LPP: variants seen among roughly 807,000 people sequenced by gnomAD.
LPP encodes lipoma-preferred partner.
Under a neutral mutation model 60.4 loss-of-function variants are expected in LPP, and 38 were observed. The observed-to-expected ratio is 0.63, with a 90% confidence interval of 0.49 to 0.83. The LOEUF (loss-of-function observed/expected upper bound fraction) is 0.83. Among genes scored for constraint, LPP ranks in the 40% least tolerant of loss-of-function variants. LPP has a pLI of 0.00. For synonymous variants in LPP, 328 were observed against 290.8 expected, an observed-to-expected ratio of 1.13 and a Z score of -1.30; for missense variants, 902 against 783.6, an observed-to-expected ratio of 1.15 and a Z score of -1.80.
Position 188,872,693 on chromosome 3 carries a change from C to G in LPP, c.1640C>G (p.Pro547Arg), listed in dbSNP as rs762770149. ...SVCKEPIMPAPGQEETVRIVA... is the reference protein window; with the variant it reads ...SVCKEPIMPARGQEETVRIVA... ...TGCAAGGAGCCTATTATGCCAGCCC[C>G]GGGCCAGGAGGAGACTGTCCGTATT... Residue 547 changes from proline (P) to arginine (R), a missense_variant, in exon 11 of 12, where the codon CCG (proline) becomes CGG (arginine). Transcript: ENST00000617246. 6.2e-7 allele frequency: 1 copy of G among 1,614,148 alleles called. No individual in the cohort carries two copies. Among genetic ancestry groups the G allele is most frequent in the Non-Finnish European group, 8.5e-7 (1 of 1,180,024 alleles).
At chr3:188,421,787 C>A (rs1343397901) in intron 4 of LPP, among the ~76,000 whole-genome samples, 1 of 152,096 alleles carries the variant, frequency 6.6e-6, no homozygotes, top group Non-Finnish European at 1.5e-5. Context: ...CACATCGATA[C>A]AACCAATAAT....
intron 6 of LPP, among the ~76,000 whole-genome samples, chr3:188,532,101 T>G (rs1222833109): frequency 6.6e-6 from 1 of 152,086 alleles, no homozygotes; most frequent in African/African-American, 2.4e-5. Flanking sequence ...ACCCTCACAT[T>G]TAGTGCCAGA....
intron 10 of LPP, among the ~76,000 whole-genome samples, 167 bp from the exon 11 acceptor site, chr3:188,872,476 C>T (rs1283840344): frequency 1.3e-5 from 2 of 152,194 alleles, no homozygotes; most frequent in East Asian, 3.9e-4. Flanking sequence ...ACAATATTTA[C>T]CACCGATTGA....
At chr3:188,619,226 T>C (rs1338565433) in intron 7 of LPP, among the ~76,000 whole-genome samples, 1 of 152,198 alleles carries the variant, frequency 6.6e-6, no homozygotes, top group Non-Finnish European at 1.5e-5. Flanking sequence ...GGTTTTACCA[T>C]GTTGGCTAGG....
At chr3:188,242,502 C>T (rs1399003213) in intron 2 of LPP, among the ~76,000 whole-genome samples, 1 of 152,098 alleles carries the variant, frequency 6.6e-6, no homozygotes, top group East Asian at 1.9e-4. Context: ...TGACTATTTG[C>T]AAGCATTTTC....
At chr3:188,431,511 C>G (rs1476594885) in intron 4 of LPP, among the ~76,000 whole-genome samples, 1 of 152,120 alleles carries the variant, frequency 6.6e-6, no homozygotes, top group African/African-American at 2.4e-5. Context: ...AATATAATCT[C>G]AGAATTATGC....
chr3:188,286,036 T>C (rs1264046790), intron 2 of LPP, among the ~76,000 whole-genome samples: 1 of 152,126 alleles, frequency 6.6e-6, no homozygotes, highest in African/African-American at 2.4e-5. Context: ...AAGACCCACT[T>C]ATATGGAGGC....
chr3:188,665,857 C>CTGTGATGGA (rs1560033237), intron 7 of LPP, among the ~76,000 whole-genome samples: 9 of 152,240 alleles, frequency 5.9e-5, no homozygotes, highest in African/African-American at 2.2e-4. Context: ...GTTTTGTTAA[C>CTGTGATGGA]AAAGTAAGTG....
chr3:188,500,815 A>G (rs1447170134), intron 5 of LPP, among the ~76,000 whole-genome samples: 2 of 152,104 alleles, frequency 1.3e-5, no homozygotes, highest in East Asian at 1.9e-4. Flanking sequence ...CATCTGGGTT[A>G]TCGAATTTTT....
chr3:188,853,904 A>G (rs1763238688), intron 9 of LPP, among the ~76,000 whole-genome samples: 1 of 151,848 alleles, frequency 6.6e-6, no homozygotes, highest in Admixed American at 6.6e-5. Context: ...ACCAAAAGTG[A>G]TTTCACTCTT....
intron 7 of LPP, among the ~76,000 whole-genome samples, chr3:188,695,509 G>T (rs948349089): frequency 6.6e-6 from 1 of 152,060 alleles, no homozygotes; most frequent in Non-Finnish European, 1.5e-5. Context: ...ATAATCGTGC[G>T]CCACTGTCAA....
At chr3:188,662,278 A>T (rs557313328) in intron 7 of LPP, among the ~76,000 whole-genome samples, 52 of 152,308 alleles carry the variant, frequency 3.4e-4, no homozygotes, top group Middle Eastern at 3.4e-3. Flanking sequence ...TCCTGAAGTG[A>T]TATAACATCG....
intron 9 of LPP, among the ~76,000 whole-genome samples, chr3:188,833,512 G>A (rs1232058201): frequency 2.4e-4 from 36 of 152,160 alleles, no homozygotes; most frequent in Admixed American, 8.5e-4. Flanking sequence ...CTGCATGCAA[G>A]AAGGTTTAAG....
intron 7 of LPP, among the ~76,000 whole-genome samples, chr3:188,648,000 C>T (rs1417738114): frequency 6.6e-6 from 1 of 152,044 alleles, no homozygotes; most frequent in Non-Finnish European, 1.5e-5. Flanking sequence ...ATCATTAGAC[C>T]TTTTTCACTC....
intron 9 of LPP, among the ~76,000 whole-genome samples, chr3:188,800,246 C>CTTTTTT (rs33982362): frequency 3.0e-4 from 29 of 97,292 alleles, no homozygotes; most frequent in Non-Finnish European, 3.9e-4. Context: ...TTGAAGCTTT[C>CTTTTTT]TTTTTTTTTT....
chr3:188,390,870 T>C (rs546986239), intron 3 of LPP, among the ~76,000 whole-genome samples: 21 of 152,132 alleles, frequency 1.4e-4, no homozygotes, highest in Non-Finnish European at 2.9e-4. Flanking sequence ...GAAGACACTG[T>C]TTGTTCTCTG....
intron 9 of LPP, among the ~76,000 whole-genome samples, chr3:188,835,501 C>A (rs568522537): frequency 3.3e-5 from 5 of 151,890 alleles, no homozygotes; most frequent in Admixed American, 3.3e-4. Flanking sequence ...TGCCTGTAAT[C>A]CTAGCTACTC....
Position 188,864,883 on chromosome 3 carries a change from A to G in LPP, c.1411-1317A>G, listed in dbSNP as rs538417851. ...GAAAGAAAACTGGAAGTCATTGGAG[A>G]CAGGGGCAAGGGGAGTATTATAAGA... On this transcript the variant is annotated intron_variant, in intron 9 of 11. Transcript: ENST00000617246. Among the ~76,000 whole-genome samples, 3 of 152,348 alleles carry G rather than the reference A, an allele frequency of 2.0e-5. No homozygotes were observed. The South Asian group carries it at 6.2e-4, about 32-fold the overall frequency.
At chr3:188,619,738 T>C (rs1362213643) in intron 7 of LPP, among the ~76,000 whole-genome samples, 1 of 152,206 alleles carries the variant, frequency 6.6e-6, no homozygotes, top group Non-Finnish European at 1.5e-5. Flanking sequence ...GTCATGAAAT[T>C]TAGATTCTTA....
Sources: allele counts gnomAD v4.1 joint callset (sites outside exome capture counted in the v4.1 genomes callset), GRCh38; gene constraint gnomAD v4.1.1; transcripts MANE v1.5; gene names NCBI Gene and HGNC (gene_info 2026-07-23, HGNC 2026-07-21).